The following SCFD2 variants were observed in gnomAD, a reference collection of about 807,000 sequenced individuals.
SCFD2 encodes the protein sec1 family domain containing 2.
SCFD2 carries 54 observed loss-of-function variants against 58.9 expected under a neutral mutation model. That is an observed-to-expected ratio of 0.92 (90% confidence interval 0.74 to 1.15). The LOEUF is 1.15. Among genes scored for constraint, SCFD2 ranks in the 50% most tolerant of loss-of-function variants. SCFD2 has a pLI of 0.00. For synonymous variants in SCFD2, 321 were observed against 335.9 expected, an observed-to-expected ratio of 0.96 and a Z score of 0.49; for missense variants, 805 against 836.6, an observed-to-expected ratio of 0.96 and a Z score of 0.47.
intron 5 of SCFD2, among the ~76,000 whole-genome samples, chr4:52,923,848 A>G (rs1013213832): frequency 2.0e-5 from 3 of 152,184 alleles, no homozygotes; most frequent in East Asian, 3.8e-4. Context: ...GCTTTAGACA[A>G]TCACCAGCCA....
chr4:52,983,956 C>T (rs947740917), intron 5 of SCFD2, among the ~76,000 whole-genome samples: 13 of 152,192 alleles, frequency 8.5e-5, no homozygotes, highest in African/African-American at 2.9e-4. Flanking sequence ...CCAAACATTT[C>T]TTTTCTGAAG....
chr4:52,932,236 C>A (rs896166836), intron 5 of SCFD2, among the ~76,000 whole-genome samples: 1 of 152,162 alleles, frequency 6.6e-6, no homozygotes, highest in Non-Finnish European at 1.5e-5. Context: ...GGCTGTGATG[C>A]GTCTCTGGAA....
rs1734042780 is a variant in SCFD2 at position 53,345,926 on chromosome 4, A to G, written c.1007+6672T>C. On this transcript the variant is annotated intron_variant, in intron 2 of 8. Transcript: ENST00000401642. ...AACACTTGGACACAGGGCGGGGAAC[A>G]TCACACACCAGGGCCTGTGAGTGGA... Among the ~76,000 whole-genome samples the G allele has an allele frequency of 2.0e-5, 3 of 152,016 alleles. No homozygotes were observed. In the South Asian group the frequency reaches 6.2e-4, roughly 32 times the overall value.
intron 4 of SCFD2, among the ~76,000 whole-genome samples, chr4:53,211,501 A>G (rs966655934): frequency 6.6e-6 from 1 of 152,156 alleles, no homozygotes; most frequent in Non-Finnish European, 1.5e-5. Context: ...GGGAACCCCA[A>G]CTTGAAGCTG....
intron 5 of SCFD2, among the ~76,000 whole-genome samples, chr4:53,036,287 T>C (rs536689252): frequency 6.6e-6 from 1 of 151,502 alleles, no homozygotes; most frequent in Non-Finnish European, 1.5e-5. Flanking sequence ...TCATTCCCAC[T>C]TACGTGTGAC....
intron 4 of SCFD2, among the ~76,000 whole-genome samples, chr4:53,251,019 A>G (rs1730351528): frequency 6.6e-6 from 1 of 152,226 alleles, no homozygotes; most frequent in African/African-American, 2.4e-5. Flanking sequence ...GAGAAGAATC[A>G]AATAGATGCA....
At chr4:52,937,408 C>G (rs1440309038) in intron 5 of SCFD2, among the ~76,000 whole-genome samples, 1 of 152,176 alleles carries the variant, frequency 6.6e-6, no homozygotes, top group Non-Finnish European at 1.5e-5. Context: ...AAGGCACATT[C>G]ACAAGCCTGA....
chr4:52,947,754 G>GA (rs543851253), intron 5 of SCFD2, among the ~76,000 whole-genome samples: 226 of 149,408 alleles, frequency 1.5e-3, no homozygotes, highest in African/African-American at 5.2e-3. Context: ...AAATTTCATG[G>GA]AAAAAAAATA....
chr4:53,122,736 C>A (rs772271162), intron 5 of SCFD2, among the ~76,000 whole-genome samples: 1 of 152,148 alleles, frequency 6.6e-6, no homozygotes, highest in Admixed American at 6.5e-5. Context: ...CATTTGTAAA[C>A]TGGGTAGTAA....
At chr4:53,037,150 G>GTTAAAAA in intron 5 of SCFD2, among the ~76,000 whole-genome samples, 1 of 151,930 alleles carries the variant, frequency 6.6e-6, no homozygotes, top group Non-Finnish European at 1.5e-5. Context: ...TATCAACTGA[G>GTTAAAAA]GACTGTTCAA....
intron 3 of SCFD2, among the ~76,000 whole-genome samples, chr4:53,275,180 C>T (rs920548666): frequency 9.9e-5 from 15 of 152,174 alleles, no homozygotes; most frequent in African/African-American, 3.6e-4. Flanking sequence ...TTACCCAGTG[C>T]TAAATGGCAG....
At chr4:53,030,313 C>A (rs372977350) in intron 5 of SCFD2, among the ~76,000 whole-genome samples, 4 of 151,700 alleles carry the variant, frequency 2.6e-5, no homozygotes, top group Non-Finnish European at 5.9e-5. Context: ...AAAACAGAAA[C>A]AAAAAAGGAA....
rs1307198189 is a variant in SCFD2 at position 53,302,029 on chromosome 4, T to G, written c.1135+11607A>C. On this transcript the variant is annotated intron_variant, in intron 3 of 8. Coordinates refer to ENST00000401642, the MANE Select transcript of SCFD2 (RefSeq NM_152540.4). ...AGGCAAAAACTGGAAGCATTCCCTT[T>G]GAAAACGGGCACAAGACAGGGATGC... Among the ~76,000 whole-genome samples the G allele has an allele frequency of 2.0e-5, 3 of 152,296 alleles. No individual in the cohort carries two copies. In the East Asian group the frequency reaches 5.8e-4, roughly 29 times the overall value.
chr4:53,090,089 G>C (rs1365297980), intron 5 of SCFD2, among the ~76,000 whole-genome samples: 1 of 152,156 alleles, frequency 6.6e-6, no homozygotes, highest in Admixed American at 6.5e-5. Flanking sequence ...AGCTGGAGAA[G>C]CTTTTGAAGG....
chr4:53,145,239 G>A (rs537736519), intron 5 of SCFD2, 94 bp downstream of exon 5: 113 of 1,447,154 alleles, frequency 7.8e-5, no homozygotes, highest in Non-Finnish European at 9.7e-5. Context: ...CTCCAGTGAA[G>A]ATGGTTACCT....
chr4:53,047,001 T>A (rs1185300392), intron 5 of SCFD2, among the ~76,000 whole-genome samples: 1 of 152,180 alleles, frequency 6.6e-6, no homozygotes, highest in African/African-American at 2.4e-5. Context: ...ATGTGTGTAG[T>A]AATTATTTTC....
chr4:52,923,353 G>A (rs961046948), intron 5 of SCFD2, among the ~76,000 whole-genome samples: 9 of 151,926 alleles, frequency 5.9e-5, no homozygotes, highest in Admixed American at 1.3e-4. Flanking sequence ...GGCAGGCCGC[G>A]TATAATCCGA....
rs983168576 is a variant in SCFD2, at chr4:53,256,624, C to T, written c.1311+17202G>A. 4.1e-4 allele frequency among the ~76,000 whole-genome samples: 62 copies of T among 152,196 alleles called. 1 individual carries two copies. The highest frequency in any genetic ancestry group is 7.5e-4 in the African/African-American group (31 of 41,544). ...GTGAACGAGACTCCATCTGCAATCCCGGCACCTCGGGAGGCCGAGGCTGGC... is the reference window on the plus strand; with the variant it reads ...GTGAACGAGACTCCATCTGCAATCCTGGCACCTCGGGAGGCCGAGGCTGGC... On this transcript the variant is annotated intron_variant, in intron 4 of 8. Coordinates refer to ENST00000401642, the MANE Select transcript of SCFD2 (RefSeq NM_152540.4).
intron 3 of SCFD2, among the ~76,000 whole-genome samples, chr4:53,293,319 G>A (rs1577937988): frequency 6.6e-6 from 1 of 151,712 alleles, no homozygotes. Flanking sequence ...GGGAAGCAGG[G>A]GGAGAAAGAA....
Sources: gnomAD v4.1 joint callset for allele counts (sites outside exome capture counted in the v4.1 genomes callset) on GRCh38, gnomAD v4.1.1 for gene constraint, MANE v1.5 for transcripts, NCBI Gene and HGNC (gene_info 2026-07-23, HGNC 2026-07-21) for gene names.